The following LY6G6D variants were observed in gnomAD, a reference collection of about 807,000 sequenced individuals.
LY6G6D encodes lymphocyte antigen 6 complex locus protein G6d.
LY6G6D carries 5 observed loss-of-function variants against 8.5 expected under a neutral mutation model. The ratio of observed to expected loss-of-function variants is 0.59; its 90% CI spans 0.31 to 1.24. The LOEUF (loss-of-function observed/expected upper bound fraction) is 1.24. Among genes scored for constraint, LY6G6D ranks in the 50% most tolerant of loss-of-function variants. The pLI, the probability that LY6G6D is intolerant of heterozygous loss-of-function variation, is 0.07. For synonymous variants in LY6G6D, 65 were observed against 69.6 expected, an observed-to-expected ratio of 0.93 and a Z score of 0.33; for missense variants, 154 against 170.4, an observed-to-expected ratio of 0.90 and a Z score of 0.53.
chr6:31,717,786 A>G lies in LY6G6D; in HGVS notation c.384A>G (p.Pro128=), dbSNP rs763412354. 23 of 1,612,544 alleles carry G rather than the reference A, an allele frequency of 1.4e-5. No individual in the cohort carries two copies. The highest frequency in any genetic ancestry group is 1.9e-5 in the Non-Finnish European group (23 of 1,179,732). ...CTACCGCCCTGACCTGTCTCTTGCC[A>G]GGACTGTGGAGCGGATAGGGGGAGT... ...AAATALTCLL[P]GLWSG is the part of the protein sequence containing the mutation. The change falls in exon 3 of 3, where the codon CCA becomes CCG. Residue 128 remains proline (P), a synonymous_variant. Transcript: ENST00000375825. This position sits in a 1 kb window ranked among gnomAD's most constrained non-coding sequence, Gnocchi z 5.0.
At position 31,717,561 on chromosome 6, in the gene LY6G6D, A is replaced by G. The variant is rs767024791; in HGVS notation, c.179-20A>G. 40 of 1,614,056 alleles carry G rather than the reference A, an allele frequency of 2.5e-5. No individual in the cohort carries two copies. Among genetic ancestry groups the G allele is most frequent in the Non-Finnish European group, 3.2e-5 (38 of 1,180,040 alleles). On this transcript the variant is annotated intron_variant, in intron 2 of 2. Coordinates refer to ENST00000375825, the MANE Select transcript of LY6G6D (RefSeq NM_021246.4). The surrounding 1 kb of genome is among the most constrained non-coding windows in gnomAD (Gnocchi z 5.0). Reference sequence around the variant, plus strand: ...CCTGAAGCCAGGAGTCCAACACCCCAGTTTCATTCTCTCTCTCAGCCCCAG... The same window carrying G: ...CCTGAAGCCAGGAGTCCAACACCCCGGTTTCATTCTCTCTCTCAGCCCCAG...
intron 2 of LY6G6D, 53 bp downstream of exon 2, chr6:31,715,677 A>C: frequency 6.3e-7 from 1 of 1,596,406 alleles, no homozygotes; most frequent in Non-Finnish European, 8.6e-7. Flanking sequence ...CTCCAGCCCC[A>C]TGTCAATCCT....
Position 31,717,639 on chromosome 6 carries a change from A to G in LY6G6D, c.237A>G (p.Gln79=). The change falls in exon 3 of 3, where the codon CAA becomes CAG. Residue 79 remains glutamine, a synonymous_variant. Coordinates refer to ENST00000375825, the MANE Select transcript of LY6G6D (RefSeq NM_021246.4). This position sits in a 1 kb window ranked among gnomAD's most constrained non-coding sequence, Gnocchi z 5.0. ...GCGTCGCAGCCCATCATTGCAATCA[A>G]GTGGAGACAGAGTCGGTGGGAGACG... ...PACVAAHHCN[Q]VETESVGDVT... 1.9e-6 allele frequency: 3 copies of G among 1,614,182 alleles called. No homozygotes were observed. Among genetic ancestry groups the G allele is most frequent in the Non-Finnish European group, 2.5e-6 (3 of 1,180,026 alleles).
rs143744153 is a variant in LY6G6D at position 31,715,590 on chromosome 6, G to A, written c.144G>A (p.Gln48=). 68 of 1,612,968 alleles carry A rather than the reference G, an allele frequency of 4.2e-5. No homozygotes were observed. Among genetic ancestry groups the A allele is most frequent in the Non-Finnish European group, 5.3e-5 (63 of 1,180,038 alleles). Residue 48 remains glutamine (Q), a synonymous_variant, in exon 2 of 3, where the codon CAG becomes CAA. Coordinates refer to ENST00000375825, the MANE Select transcript of LY6G6D (RefSeq NM_021246.4). ...CCACCTGTGGCGAGGGCAGACCCCAGCCAGGCCTGGAACAGATCAAGCTAC... is the reference window on the plus strand; with the variant it reads ...CCACCTGTGGCGAGGGCAGACCCCAACCAGGCCTGGAACAGATCAAGCTAC... ...AVTTCGEGRP[Q]PGLEQIKLPG... is the part of the protein sequence containing the mutation.
At chr6:31,715,953 GTGT>G (rs1806405587) in intron 2 of LY6G6D, among the ~76,000 whole-genome samples, 4 of 22,664 alleles carry the variant, frequency 1.8e-4, no homozygotes, top group African/African-American at 1.6e-3. Context: ...AGGGAGGGGT[GTGT>G]GTGTGTGTGT....
In LY6G6D at chr6:31,717,303, A is replaced by C. The variant is rs1280169005; in HGVS notation, c.179-278A>C. On this transcript the variant is annotated intron_variant, in intron 2 of 2. Coordinates refer to ENST00000375825, the MANE Select transcript of LY6G6D (RefSeq NM_021246.4). The surrounding 1 kb of genome is among the most constrained non-coding windows in gnomAD (Gnocchi z 5.0). Reference sequence around the variant, plus strand: ...GAAATACTAAAAATTATTTTATAGAATGTCCCTCGATATTTATTTATCTGA... The same window carrying C: ...GAAATACTAAAAATTATTTTATAGACTGTCCCTCGATATTTATTTATCTGA... 6.6e-6 allele frequency among the ~76,000 whole-genome samples: 1 copy of C among 152,216 alleles called. No individual in the cohort carries two copies. The highest frequency in any genetic ancestry group is 2.4e-5 in the African/African-American group (1 of 41,456).
rs1418402008 is a variant in LY6G6D at position 31,717,819 on chromosome 6, G to A, written c.*15G>A. 6.2e-7 allele frequency: 1 copy of A among 1,602,296 alleles called. No individual in the cohort carries two copies. Among genetic ancestry groups the A allele is most frequent in the Non-Finnish European group, 8.5e-7 (1 of 1,175,418 alleles). On this transcript the variant is annotated 3_prime_UTR_variant, in exon 3 of 3. Coordinates refer to ENST00000375825, the MANE Select transcript of LY6G6D (RefSeq NM_021246.4). This position sits in a 1 kb window ranked among gnomAD's most constrained non-coding sequence, Gnocchi z 5.0. The stretch of plus-strand genomic sequence containing the variant: ...GGAGCGGATAGGGGGAGTAGGAGTA[G>A]AGAAGGGAACAAGGGAGCAAGGGAA...
Position 31,715,383 on chromosome 6 carries a change from C to T in LY6G6D, c.28C>T (p.Leu10Phe). 1 of 1,605,046 alleles carries T rather than the reference C, an allele frequency of 6.2e-7. No individual in the cohort carries two copies. Among genetic ancestry groups the T allele is most frequent in the Non-Finnish European group, 8.5e-7 (1 of 1,174,870 alleles). Residue 10 changes from leucine to phenylalanine, a missense_variant, in exon 1 of 3, where the codon CTC (leucine) becomes TTC (phenylalanine). Coordinates refer to ENST00000375825, the MANE Select transcript of LY6G6D (RefSeq NM_021246.4). ...GAAACCCCAGTTTGTTGGGATCTTG[C>T]TCAGCTCCCTGCTAGGGGCTGCCTT... MKPQFVGIL[L>F]SSLLGAALGN...
In LY6G6D at chr6:31,717,836, G is replaced by A. The variant is rs186824863; in HGVS notation, c.*32G>A. 1 of 1,586,834 alleles carries A rather than the reference G, an allele frequency of 6.3e-7. No homozygotes were observed. The highest frequency in any genetic ancestry group is 1.7e-5 in the Admixed American group (1 of 58,054). On this transcript the variant is annotated 3_prime_UTR_variant, in exon 3 of 3. Coordinates refer to ENST00000375825, the MANE Select transcript of LY6G6D (RefSeq NM_021246.4). The surrounding 1 kb of genome is among the most constrained non-coding windows in gnomAD (Gnocchi z 5.0). ...TAGGAGTAGAGAAGGGAACAAGGGA[G>A]CAAGGGAACAAGGGACATCTGAACA...
At position 31,715,380 on chromosome 6, in the gene LY6G6D, T is replaced by A. The variant is rs3749952; in HGVS notation, c.25T>A (p.Leu9Met). Reference protein sequence around the residue: MKPQFVGILLSSLLGAALG... With the variant: MKPQFVGIMLSSLLGAALG... ...GATGAAACCCCAGTTTGTTGGGATC[T>A]TGCTCAGCTCCCTGCTAGGGGCTGC... The change falls in exon 1 of 3, where the codon TTG (leucine) becomes ATG (methionine). Residue 9 changes from leucine (L) to methionine (M), a missense_variant. Coordinates refer to ENST00000375825, the MANE Select transcript of LY6G6D (RefSeq NM_021246.4). 4.4e-6 allele frequency: 7 copies of A among 1,604,176 alleles called. No individual in the cohort carries two copies. Among genetic ancestry groups the A allele is most frequent in the African/African-American group, 1.3e-5 (1 of 74,754 alleles).
rs1363381841 is a variant in LY6G6D, at chr6:31,717,700, G to A, written c.298G>A (p.Asp100Asn). The A allele has an allele frequency of 6.2e-7, 1 of 1,614,256 alleles. No individual in the cohort carries two copies. The highest frequency in any genetic ancestry group is 8.5e-7 in the Non-Finnish European group (1 of 1,180,044). Residue 100 changes from aspartate (D) to asparagine (N), a missense_variant, in exon 3 of 3, where the codon GAC becomes AAC. Coordinates refer to ENST00000375825, the MANE Select transcript of LY6G6D (RefSeq NM_021246.4). The surrounding 1 kb of genome is among the most constrained non-coding windows in gnomAD (Gnocchi z 5.0). ...YPAHRDCYLG[D>N]LCNSAVASHV... ...AGCCCACAGGGACTGCTACCTGGGAGACCTGTGCAACAGCGCCGTGGCAAG... is the reference window on the plus strand; with the variant it reads ...AGCCCACAGGGACTGCTACCTGGGAAACCTGTGCAACAGCGCCGTGGCAAG...
In LY6G6D at chr6:31,717,713, G is replaced by GC. The variant is rs779561739; in HGVS notation, c.312dup (p.Ala105ArgfsTer51). On this transcript the variant is annotated frameshift_variant, in exon 3 of 3. Transcript: ENST00000375825. LOFTEE classifies it low-confidence loss of function (END_TRUNC). This position sits in a 1 kb window ranked among gnomAD's most constrained non-coding sequence, Gnocchi z 5.0. ...TGCTACCTGGGAGACCTGTGCAACA[G>GC]CGCCGTGGCAAGCCATGTGGCCCCT... 6.2e-7 allele frequency: 1 copy of GC among 1,614,212 alleles called. No homozygotes were observed. Among genetic ancestry groups the GC allele is most frequent in the Non-Finnish European group, 8.5e-7 (1 of 1,180,042 alleles).
intron 2 of LY6G6D, among the ~76,000 whole-genome samples, chr6:31,715,967 G>A (rs1171317204): frequency 2.0e-5 from 3 of 151,832 alleles, no homozygotes; most frequent in African/African-American, 7.3e-5. Flanking sequence ...GTGTGTGTGT[G>A]TGTGTGTGTG....
rs936830584 is a variant in LY6G6D at position 31,717,107 on chromosome 6, G to T, written c.179-474G>T. The stretch of plus-strand genomic sequence containing the variant: ...CTCTACTAAAAATACAAAATTAGCC[G>T]GGTGTAGTGGTGCCCGCCTGTAATA... On this transcript the variant is annotated intron_variant, in intron 2 of 2. Transcript: ENST00000375825. The surrounding 1 kb of genome is among the most constrained non-coding windows in gnomAD (Gnocchi z 5.0). Among the ~76,000 whole-genome samples, 3 of 151,866 alleles carry T rather than the reference G, an allele frequency of 2.0e-5. No individual in the cohort carries two copies. Among genetic ancestry groups the T allele is most frequent in the Non-Finnish European group, 2.9e-5 (2 of 67,976 alleles).
intron 2 of LY6G6D, 106 bp downstream of exon 2, chr6:31,715,730 G>T: frequency 6.7e-7 from 1 of 1,502,608 alleles, no homozygotes; most frequent in Admixed American, 2.0e-5. Context: ...GCTCTGGGCA[G>T]ATGGTGCAGC....
Position 31,717,122 on chromosome 6 carries a change from C to T in LY6G6D, c.179-459C>T, listed in dbSNP as rs1307653338. 2.6e-5 allele frequency among the ~76,000 whole-genome samples: 4 copies of T among 151,826 alleles called. No individual in the cohort carries two copies. Among genetic ancestry groups the T allele is most frequent in the South Asian group, 4.2e-4 (2 of 4,790 alleles). On this transcript the variant is annotated intron_variant, in intron 2 of 2. Coordinates refer to ENST00000375825, the MANE Select transcript of LY6G6D (RefSeq NM_021246.4). The surrounding 1 kb of genome is among the most constrained non-coding windows in gnomAD (Gnocchi z 5.0). ...AAAATTAGCCGGGTGTAGTGGTGCC[C>T]GCCTGTAATACCAGCTACTCGGGAA... is the stretch of plus-strand genomic sequence containing the variant.
chr6:31,717,754 G>A lies in LY6G6D; in HGVS notation c.352G>A (p.Ala118Thr). 2 of 1,614,082 alleles carry A rather than the reference G, an allele frequency of 1.2e-6. No homozygotes were observed. The highest frequency in any genetic ancestry group is 1.3e-5 in the African/African-American group (1 of 75,066). ...TGTGGCCCCTGCAGGCATTTTGGCTGCAGCAGCTACCGCCCTGACCTGTCT... is the reference window on the plus strand; with the variant it reads ...TGTGGCCCCTGCAGGCATTTTGGCTACAGCAGCTACCGCCCTGACCTGTCT... Reference protein sequence around the residue: ...SHVAPAGILAAAATALTCLLP... With the variant: ...SHVAPAGILATAATALTCLLP... The change falls in exon 3 of 3, where the codon GCA becomes ACA. Residue 118 changes from alanine (A) to threonine (T), a missense_variant. Transcript: ENST00000375825. The surrounding 1 kb of genome is among the most constrained non-coding windows in gnomAD (Gnocchi z 5.0).
chr6:31,716,818 C>T lies in LY6G6D; in HGVS notation c.179-763C>T, dbSNP rs1408160196. Among the ~76,000 whole-genome samples, 1 of 151,844 alleles carries T rather than the reference C, an allele frequency of 6.6e-6. No individual in the cohort carries two copies. Among genetic ancestry groups the T allele is most frequent in the Non-Finnish European group, 1.5e-5 (1 of 67,974 alleles). On this transcript the variant is annotated intron_variant, in intron 2 of 2. Transcript: ENST00000375825. The surrounding 1 kb of genome is among the most constrained non-coding windows in gnomAD (Gnocchi z 5.1). The stretch of plus-strand genomic sequence containing the variant: ...GGCACACACCTGTAATCTCAGTTTC[C>T]TGAGAGGCTGAGGCAGGAGGATTAC...
At position 31,715,487 on chromosome 6, in the gene LY6G6D, C is replaced by A; in HGVS notation, c.56-15C>A. 6.2e-7 allele frequency: 1 copy of A among 1,611,648 alleles called. No individual in the cohort carries two copies. The highest frequency in any genetic ancestry group is 8.5e-7 in the Non-Finnish European group (1 of 1,178,782). Reference sequence around the variant, plus strand: ...CACCGAGGGCCCAGGTCCAGCGCCTCTTTTCTCCTGCCAGGAAACCGAATG... The same window carrying A: ...CACCGAGGGCCCAGGTCCAGCGCCTATTTTCTCCTGCCAGGAAACCGAATG... On this transcript the variant is annotated splice_polypyrimidine_tract_variant and intron_variant, in intron 1 of 2. Coordinates refer to ENST00000375825, the MANE Select transcript of LY6G6D (RefSeq NM_021246.4).
Sources: allele counts gnomAD v4.1 joint callset (sites outside exome capture counted in the v4.1 genomes callset), GRCh38; gene constraint gnomAD v4.1.1; non-coding constraint Gnocchi (gnomAD v3.1); transcripts MANE v1.5; gene names NCBI Gene and HGNC (gene_info 2026-07-23, HGNC 2026-07-21).